The following ERBB4 variants were observed in gnomAD, a reference collection of about 807,000 sequenced individuals.
The protein encoded by ERBB4 is erb-b2 receptor tyrosine kinase 4.
A neutral mutation model predicts 158.0 loss-of-function variants in ERBB4; 42 were observed. The ratio of observed to expected loss-of-function variants is 0.27; its 90% CI spans 0.21 to 0.34. The LOEUF (loss-of-function observed/expected upper bound fraction) is 0.34. Ranked by LOEUF, ERBB4 falls within the 10% of genes least tolerant of loss-of-function variation. The pLI is 1.00. For synonymous variants in ERBB4, 583 were observed against 558.7 expected, an observed-to-expected ratio of 1.04 and a Z score of -0.61; for missense variants, 1,333 against 1,624.1, an observed-to-expected ratio of 0.82 and a Z score of 3.08.
intron 20 of ERBB4, among the ~76,000 whole-genome samples, chr2:211,492,956 T>TA (rs1219296801): frequency 2.0e-5 from 3 of 152,100 alleles, no homozygotes; most frequent in African/African-American, 7.2e-5. Flanking sequence ...ATGCAGAAAC[T>TA]AGCATTCCAG....
intron 1 of ERBB4, among the ~76,000 whole-genome samples, chr2:212,530,249 C>A (rs1692680719): frequency 1.3e-5 from 2 of 152,106 alleles, no homozygotes; most frequent in Non-Finnish European, 2.9e-5. Context: ...TTTTAACATA[C>A]CTATGCAGTC....
intron 3 of ERBB4, among the ~76,000 whole-genome samples, chr2:211,863,867 T>C (rs1356862129): frequency 1.3e-5 from 2 of 152,218 alleles, no homozygotes; most frequent in African/African-American, 2.4e-5. Flanking sequence ...TAGGTTTCTG[T>C]GTATTCAGTG....
chr2:212,113,573 C>CA (rs35545899), intron 2 of ERBB4, among the ~76,000 whole-genome samples: 2,900 of 64,202 alleles, frequency 0.045, 247 homozygotes, highest in Non-Finnish European at 0.049. Context: ...GACTCCATCT[C>CA]AAAAAAAAAA....
At chr2:212,329,594 G>T (rs1285602733) in intron 1 of ERBB4, among the ~76,000 whole-genome samples, 1 of 151,984 alleles carries the variant, frequency 6.6e-6, no homozygotes, top group Non-Finnish European at 1.5e-5. Flanking sequence ...GTAAGAAATA[G>T]CAACGTCAGG....
intron 1 of ERBB4, among the ~76,000 whole-genome samples, chr2:212,349,319 ACAC>A (rs2089152639): frequency 1.3e-5 from 2 of 150,970 alleles, no homozygotes; most frequent in East Asian, 3.9e-4. Flanking sequence ...ACACACACAC[ACAC>A]CCTTCAAGTG....
intron 3 of ERBB4, among the ~76,000 whole-genome samples, chr2:211,936,034 T>C (rs2080312977): frequency 6.6e-6 from 1 of 152,158 alleles, no homozygotes; most frequent in Non-Finnish European, 1.5e-5. Context: ...GAATTCTAGT[T>C]ATATGAATAA....
chr2:212,533,794 A>G (rs892721759), intron 1 of ERBB4, among the ~76,000 whole-genome samples: 7 of 152,306 alleles, frequency 4.6e-5, no homozygotes, highest in African/African-American at 1.7e-4. Flanking sequence ...TAACCTGGAG[A>G]AAAGTTGTTA....
chr2:212,249,428 T>A (rs2084438411), intron 1 of ERBB4, among the ~76,000 whole-genome samples: 1 of 101,720 alleles, frequency 9.8e-6, no homozygotes, highest in African/African-American at 3.7e-5. Flanking sequence ...AAAAATATCA[T>A]TCATGATATA....
intron 5 of ERBB4, among the ~76,000 whole-genome samples, chr2:211,732,696 C>T (rs939213221): frequency 2.0e-4 from 30 of 152,268 alleles, no homozygotes; most frequent in African/African-American, 6.3e-4. Flanking sequence ...TGGTGGCTCA[C>T]GCCTGTAATC....
chr2:211,533,040 G>A (rs138238888), intron 20 of ERBB4, among the ~76,000 whole-genome samples: 1 of 116,594 alleles, frequency 8.6e-6, no homozygotes, highest in East Asian at 2.8e-4. Flanking sequence ...ATAATAAAGT[G>A]GTTGCTATTG....
Position 211,384,932 on chromosome 2 carries a change from T to C in ERBB4, c.3482-872A>G, listed in dbSNP as rs558826094. On this transcript the variant is annotated intron_variant, in intron 27 of 27. Transcript: ENST00000342788. ...TTATCACCATTCTCCTGAAGCTTAA[T>C]TCCACATCTATGTCTATAATATAGA... Among the ~76,000 whole-genome samples, 26 of 152,208 alleles carry C rather than the reference T, an allele frequency of 1.7e-4. No individual in the cohort carries two copies. In the South Asian group the frequency reaches 5.0e-3, roughly 29 times the overall value.
chr2:211,687,823 T>C (rs1297767228), intron 12 of ERBB4, among the ~76,000 whole-genome samples: 1 of 152,220 alleles, frequency 6.6e-6, no homozygotes, highest in African/African-American at 2.4e-5. Context: ...CTGTCTCTTC[T>C]GTCCACCTTT....
At chr2:212,409,713 T>G (rs1475210602) in intron 1 of ERBB4, among the ~76,000 whole-genome samples, 1 of 152,164 alleles carries the variant, frequency 6.6e-6, no homozygotes, top group Admixed American at 6.6e-5. Flanking sequence ...ATTTGCAGAA[T>G]GAGTTGTTGT....
chr2:211,783,379 C>A lies in ERBB4; in HGVS notation c.556+4646G>T, dbSNP rs556988755. On this transcript the variant is annotated intron_variant, in intron 4 of 27. Transcript: ENST00000342788. ...TTTATTTCTTTCTCCTGCCTGATGG[C>A]CCTGGCCAGAACTTCCAACACTGTA... is the stretch of plus-strand genomic sequence containing the variant. Among the ~76,000 whole-genome samples the A allele has an allele frequency of 4.5e-4, 69 of 152,338 alleles. No individual in the cohort carries two copies. In the Middle Eastern group the frequency reaches 0.01, roughly 23 times the overall value.
At chr2:212,118,159 A>G (rs932957141) in intron 2 of ERBB4, among the ~76,000 whole-genome samples, 1 of 152,176 alleles carries the variant, frequency 6.6e-6, no homozygotes, top group Non-Finnish European at 1.5e-5. Context: ...TTGCCAGAGG[A>G]CAATGAAAAG....
At chr2:211,945,002 T>C (rs72933781) in intron 3 of ERBB4, among the ~76,000 whole-genome samples, 1 of 152,128 alleles carries the variant, frequency 6.6e-6, no homozygotes, top group South Asian at 2.1e-4. Flanking sequence ...CTGCACTTAA[T>C]AGAATATAAA....
intron 2 of ERBB4, among the ~76,000 whole-genome samples, chr2:212,098,495 T>C (rs999156829): frequency 6.6e-6 from 1 of 152,118 alleles, no homozygotes; most frequent in Non-Finnish European, 1.5e-5. Context: ...TAGAGTTTGG[T>C]CTTTGATAGA....
Position 211,911,203 on chromosome 2 carries a change from CT to C in ERBB4, c.421+36226del, listed in dbSNP as rs1293900049. 2.0e-5 allele frequency among the ~76,000 whole-genome samples: 3 copies of C among 152,158 alleles called. No homozygotes were observed. In the East Asian group the frequency reaches 5.8e-4, roughly 29 times the overall value. ...GTATTAATTTGAAGAGCCCGACAGT[CT>C]TTTTTAAAAGTTGGCTTAATTTCTC... On this transcript the variant is annotated intron_variant, in intron 3 of 27. Transcript: ENST00000342788.
chr2:212,117,739 G>C (rs534985086), intron 2 of ERBB4, among the ~76,000 whole-genome samples: 1 of 150,918 alleles, frequency 6.6e-6, no homozygotes, highest in East Asian at 1.9e-4. Flanking sequence ...GACCCACTTT[G>C]TTATGTCATA....
Sources: gnomAD v4.1 joint callset for allele counts (sites outside exome capture counted in the v4.1 genomes callset) on GRCh38, gnomAD v4.1.1 for gene constraint, MANE v1.5 for transcripts, NCBI Gene and HGNC (gene_info 2026-07-23, HGNC 2026-07-21) for gene names.